Variants in RBMS3 observed in about 807,000 individuals in gnomAD.
RBMS3 encodes RNA binding motif single stranded interacting protein 3.
RBMS3 carries 27 observed loss-of-function variants against 66.8 expected under a neutral mutation model. The observed-to-expected ratio is 0.40, with a 90% CI of 0.30 to 0.56. The LOEUF is 0.56. RBMS3 is among the 20% of genes least tolerant of loss of function. The probability of loss-of-function intolerance (pLI) is 0.40; values close to 1 mark genes in which losing one functional copy is unlikely to be tolerated. For missense variants in RBMS3, 513 were observed against 549.5 expected (o/e 0.93, Z 0.66); for synonymous variants, 188 against 183.0 (o/e 1.03, Z -0.22).
chr3:29,868,398 G>C (rs1056203741), intron 6 of RBMS3, among the ~76,000 whole-genome samples: 1 of 152,160 alleles, frequency 6.6e-6, no homozygotes, highest in African/African-American at 2.4e-5. Flanking sequence ...TTTTTTAAAA[G>C]CTAATTTGAT....
intron 3 of RBMS3, among the ~76,000 whole-genome samples, chr3:29,577,238 G>A (rs1424371381): frequency 1.3e-5 from 2 of 152,180 alleles, no homozygotes; most frequent in Non-Finnish European, 2.9e-5. Context: ...TTAGTATTCT[G>A]CCCAATGCCC....
chr3:29,322,652 A>G (rs1180555618), intron 1 of RBMS3, among the ~76,000 whole-genome samples: 1 of 151,990 alleles, frequency 6.6e-6, no homozygotes, highest in Non-Finnish European at 1.5e-5. Flanking sequence ...TACTCCAGAC[A>G]CTGGTCTTTC....
intron 3 of RBMS3, among the ~76,000 whole-genome samples, chr3:29,572,822 A>G (rs111234409): frequency 3.9e-5 from 6 of 152,096 alleles, no homozygotes; most frequent in African/African-American, 1.4e-4. Flanking sequence ...CCTATTTTTC[A>G]GAATTGTTTG....
intron 2 of RBMS3, among the ~76,000 whole-genome samples, chr3:29,445,090 T>A (rs1383170299): frequency 6.6e-6 from 1 of 151,904 alleles, no homozygotes; most frequent in Non-Finnish European, 1.5e-5. Flanking sequence ...GATTTTTAAG[T>A]GGTAACTGAT....
rs533214630 is a variant in RBMS3, at chr3:29,424,584, G to A, written c.76-10159G>A. Reference sequence around the variant, plus strand: ...TTAGATTGGATTGTATATGCTATTTGCACTATTGTTGAATTGCTCCTGTGT... The same window carrying A: ...TTAGATTGGATTGTATATGCTATTTACACTATTGTTGAATTGCTCCTGTGT... On this transcript the variant is annotated intron_variant, in intron 1 of 14. Transcript: ENST00000383767. 2.6e-5 allele frequency among the ~76,000 whole-genome samples: 4 copies of A among 152,282 alleles called. No individual in the cohort carries two copies. In the South Asian group the frequency reaches 8.3e-4, roughly 32 times the overall value.
At chr3:29,325,337 G>T (rs2125500303) in intron 1 of RBMS3, among the ~76,000 whole-genome samples, 1 of 152,166 alleles carries the variant, frequency 6.6e-6, no homozygotes, top group South Asian at 2.1e-4. Context: ...AGGATAGATG[G>T]GCTGAGGAAT....
Position 29,924,846 on chromosome 3 carries a change from GAA to G in RBMS3, c.940-11228_940-11227del, listed in dbSNP as rs55859885. On this transcript the variant is annotated intron_variant, in intron 10 of 14. Transcript: ENST00000383767. ...GCGAAACTCCATCTCAGGAAAAAAA[GAA>G]AAAAAAAAAAAGAGAGAGAGAGAGA... is the stretch of plus-strand genomic sequence containing the variant. The G allele has an allele frequency of 4.3e-3, 560 of 130,392 alleles. 7 individuals are homozygous for G. Among genetic ancestry groups the G allele is most frequent in the African/African-American group, 0.014 (495 of 35,186 alleles). The allele number at this position is 130,392 out of a possible 1,614,324, so 8.1% of individuals were successfully genotyped here.
intron 3 of RBMS3, among the ~76,000 whole-genome samples, chr3:29,580,642 A>G (rs2047294285): frequency 6.6e-6 from 1 of 150,908 alleles, no homozygotes; most frequent in Admixed American, 6.6e-5. Context: ...ATCTGGCACT[A>G]TCTTCCTTGT....
intron 1 of RBMS3, among the ~76,000 whole-genome samples, chr3:29,336,883 C>G (rs894919056): frequency 9.9e-5 from 15 of 152,064 alleles, no homozygotes; most frequent in African/African-American, 3.4e-4. Flanking sequence ...CATATTTAAA[C>G]AATTACAAAT....
At chr3:29,759,938 A>C (rs2055593354) in intron 5 of RBMS3, among the ~76,000 whole-genome samples, 1 of 152,156 alleles carries the variant, frequency 6.6e-6, no homozygotes, top group Admixed American at 6.5e-5. Context: ...TACAGAAAAC[A>C]GACTTTTATT....
At position 29,840,649 on chromosome 3, in the gene RBMS3, C is replaced by G. The variant is rs2058639050; in HGVS notation, c.638-28209C>G. 1.3e-5 allele frequency among the ~76,000 whole-genome samples: 2 copies of G among 151,964 alleles called. 1 individual carries two copies. The highest frequency in any genetic ancestry group is 4.1e-4 in the South Asian group (2 of 4,834). ...AATGGTCTCAGAGATACCTGAAGGT[C>G]CTCAGACCACACTTTGAGAACTGCT... On this transcript the variant is annotated intron_variant, in intron 6 of 14. Transcript: ENST00000383767.
chr3:29,404,198 G>T (rs889630931), intron 1 of RBMS3, among the ~76,000 whole-genome samples: 1 of 152,106 alleles, frequency 6.6e-6, no homozygotes, highest in Non-Finnish European at 1.5e-5. Flanking sequence ...CTTATTCTCA[G>T]TTTCTATAAT....
intron 4 of RBMS3, among the ~76,000 whole-genome samples, chr3:29,716,910 T>TACATAC (rs2053422797): frequency 3.0e-5 from 1 of 33,142 alleles, no homozygotes; most frequent in Non-Finnish European, 5.3e-5. Flanking sequence ...ATCATTGTAG[T>TACATAC]ACATGCATAC....
Position 29,994,414 on chromosome 3 carries a change from G to A in RBMS3, c.1307+3205G>A, listed in dbSNP as rs1045008727. ...ACAAAGCATCCCGGAAGCTCCAACT[G>A]GGTGGAGCCCACCACAGCTCAAGGA... On this transcript the variant is annotated intron_variant, in intron 14 of 14. Coordinates refer to ENST00000383767, the MANE Select transcript of RBMS3 (RefSeq NM_001003793.3). Among the ~76,000 whole-genome samples the A allele has an allele frequency of 4.3e-3, 650 of 152,010 alleles. 4 individuals carry two copies. Among genetic ancestry groups the A allele is most frequent in the African/African-American group, 0.015 (610 of 41,462 alleles).
chr3:29,387,729 C>T (rs963503665), intron 1 of RBMS3, among the ~76,000 whole-genome samples: 2 of 151,780 alleles, frequency 1.3e-5, no homozygotes, highest in Non-Finnish European at 1.5e-5. Flanking sequence ...GGTGAAACCC[C>T]GTCCCTACTA....
At chr3:29,795,531 A>G (rs2057154780) in intron 6 of RBMS3, among the ~76,000 whole-genome samples, 2 of 152,228 alleles carry the variant, frequency 1.3e-5, no homozygotes, top group Admixed American at 1.3e-4. Context: ...TCCAGAATGC[A>G]GTTTTGTTCA....
At chr3:29,725,455 T>C (rs1186279044) in intron 4 of RBMS3, among the ~76,000 whole-genome samples, 1 of 151,360 alleles carries the variant, frequency 6.6e-6, no homozygotes, top group Non-Finnish European at 1.5e-5. Context: ...ATTAACAAAA[T>C]AGAGAGACTG....
At chr3:29,368,747 T>A (rs1384864418) in intron 1 of RBMS3, among the ~76,000 whole-genome samples, 1 of 152,170 alleles carries the variant, frequency 6.6e-6, no homozygotes, top group East Asian at 1.9e-4. Context: ...GTTCAATCAT[T>A]GTGGAAAACA....
intron 3 of RBMS3, among the ~76,000 whole-genome samples, chr3:29,541,373 A>G (rs753320562): frequency 2.0e-5 from 3 of 152,096 alleles, no homozygotes; most frequent in East Asian, 3.9e-4. Context: ...GTAAAAGTCA[A>G]CTCTGCTCTT....
Sources: gnomAD v4.1 joint callset for allele counts (sites outside exome capture counted in the v4.1 genomes callset) on GRCh38, gnomAD v4.1.1 for gene constraint, MANE v1.5 for transcripts, NCBI Gene and HGNC (gene_info 2026-07-23, HGNC 2026-07-21) for gene names.